The following RPH3AL variants were observed in gnomAD, a reference collection of about 807,000 sequenced individuals.
RPH3AL encodes rab effector Noc2.
RPH3AL carries 38 observed loss-of-function variants against 43.1 expected under a neutral mutation model. The observed-to-expected ratio is 0.88, with a 90% confidence interval of 0.68 to 1.15. RPH3AL has a LOEUF of 1.15. RPH3AL is among the 50% of genes most tolerant of loss of function. The probability of loss-of-function intolerance (pLI) is 0.00; values close to 1 mark genes in which losing one functional copy is unlikely to be tolerated. For synonymous variants in RPH3AL, 189 were observed against 176.3 expected (o/e 1.07, Z -0.57); for missense variants, 462 against 423.2 (o/e 1.09, Z -0.81).
intron 6 of RPH3AL, among the ~76,000 whole-genome samples, chr17:259,810 C>T (rs529087297): frequency 3.3e-5 from 5 of 152,182 alleles, no homozygotes; most frequent in Admixed American, 6.6e-5. Context: ...TTTCAGCTCA[C>T]GGCCAATCTG....
chr17:296,452 G>T (rs2043181747), intron 5 of RPH3AL, among the ~76,000 whole-genome samples: 1 of 151,796 alleles, frequency 6.6e-6, no homozygotes, highest in Admixed American at 6.6e-5. Context: ...GACATGAACG[G>T]GCAGAGGGAA....
At chr17:309,704 G>C (rs142356392) in intron 5 of RPH3AL, among the ~76,000 whole-genome samples, 3,566 of 130,906 alleles carry the variant, frequency 0.027, 79 homozygotes, top group East Asian at 0.079. Flanking sequence ...CCAGGCTCCT[G>C]CCAGCCTCCT....
chr17:224,125 C>T (rs1039701430), intron 7 of RPH3AL, among the ~76,000 whole-genome samples: 1 of 152,246 alleles, frequency 6.6e-6, no homozygotes, highest in Non-Finnish European at 1.5e-5. Flanking sequence ...GGTGTCAGCT[C>T]CTCCAACCTG....
rs138586801 is a variant in RPH3AL, at chr17:333,103, T to C, written c.-37+656A>G. 1 of 1,276,896 alleles carries C rather than the reference T, an allele frequency of 7.8e-7. No individual in the cohort carries two copies. Among genetic ancestry groups the C allele is most frequent in the Non-Finnish European group, 1.0e-6 (1 of 982,804 alleles). 79.1% of individuals were successfully genotyped at this position (1,276,896 alleles called of 1,614,324 possible). On this transcript the variant is annotated intron_variant, in intron 2 of 9. Transcript: ENST00000331302. The surrounding 1 kb of genome is among the most constrained non-coding windows in gnomAD (Gnocchi z 4.5). ...AGTCGAGAGCTCACCACCCCGGGCG[T>C]TCGTCACTGCAGACATCACTGCAGA...
intron 7 of RPH3AL, among the ~76,000 whole-genome samples, chr17:238,134 C>T (rs1439866536): frequency 6.9e-6 from 1 of 145,132 alleles, no homozygotes; most frequent in Non-Finnish European, 1.5e-5. Context: ...AGAGTGAAAC[C>T]CTGAGAAAGA....
At chr17:315,788 T>G (rs1384967186) in intron 5 of RPH3AL, among the ~76,000 whole-genome samples, 7 of 131,166 alleles carry the variant, frequency 5.3e-5, no homozygotes, top group Non-Finnish European at 7.0e-5. Flanking sequence ...CCATCTCTAT[T>G]GACCTGTAGT....
At chr17:313,007 C>A (rs1261735150) in intron 5 of RPH3AL, among the ~76,000 whole-genome samples, 2 of 152,238 alleles carry the variant, frequency 1.3e-5, no homozygotes, top group Non-Finnish European at 2.9e-5. Context: ...TGGGGACAGT[C>A]CTCACTGGCA....
In RPH3AL at chr17:327,494, T is replaced by C. The variant is rs139939145; in HGVS notation, c.50A>G (p.Asn17Ser). The C allele has an allele frequency of 1.5e-5, 25 of 1,613,804 alleles. 1 individual carries two copies. Among genetic ancestry groups the C allele is most frequent in the East Asian group, 1.1e-4 (5 of 44,894 alleles). ...GSGNDQWVCP[N>S]DRQLALRAKL... ...GGCTCGAAGGGCAAGCTGCCGGTCA[T>C]TGGGGCAAACCCACTGATCATTCCC... The change falls in exon 3 of 10, where the codon AAT (asparagine) becomes AGT (serine). Residue 17 changes from asparagine to serine, a missense_variant. Physicochemically the swap from Asn to Ser is conservative, Grantham distance 46. Coordinates refer to ENST00000331302, the MANE Select transcript of RPH3AL (RefSeq NM_006987.4).
At chr17:305,255 G>A (rs963891394) in intron 5 of RPH3AL, among the ~76,000 whole-genome samples, 13 of 152,066 alleles carry the variant, frequency 8.5e-5, no homozygotes, top group South Asian at 2.1e-4. Context: ...TCCAGGCACC[G>A]GCCGAGTTGG....
At position 219,651 on chromosome 17, in the gene RPH3AL, C is replaced by T; in HGVS notation, c.699G>A (p.Arg233=). 1 of 1,609,150 alleles carries T rather than the reference C, an allele frequency of 6.2e-7. No individual in the cohort carries two copies. Among genetic ancestry groups the T allele is most frequent in the Non-Finnish European group, 8.5e-7 (1 of 1,178,040 alleles). Residue 233 remains arginine, a synonymous_variant, in exon 8 of 10, where the codon CGG becomes CGA. Coordinates refer to ENST00000331302, the MANE Select transcript of RPH3AL (RefSeq NM_006987.4). Reference sequence around the variant, plus strand: ...ACTCCTTCCAGGGTTTGTCGCCTTTCCGGTCCCTGACCCCAGTGGATGGGA... The same window carrying T: ...ACTCCTTCCAGGGTTTGTCGCCTTTTCGGTCCCTGACCCCAGTGGATGGGA... ...DRLPSTGVRD[R]KGDKPWKESG...
At chr17:291,048 T>C (rs2043037216) in intron 5 of RPH3AL, among the ~76,000 whole-genome samples, 1 of 152,170 alleles carries the variant, frequency 6.6e-6, no homozygotes, top group Admixed American at 6.5e-5. Flanking sequence ...AAACGTTGCG[T>C]ACAAGGAGGC....
intron 5 of RPH3AL, among the ~76,000 whole-genome samples, chr17:305,549 C>T (rs570798911): frequency 2.2e-4 from 33 of 152,284 alleles, no homozygotes; most frequent in African/African-American, 7.2e-4. Context: ...ACCACACACA[C>T]GGCAGGTGCC....
At position 309,602 on chromosome 17, in the gene RPH3AL, G is replaced by A; in HGVS notation, c.351+9818C>T. 1.6e-5 allele frequency among the ~76,000 whole-genome samples: 2 copies of A among 125,934 alleles called. 1 individual carries two copies. Among genetic ancestry groups the A allele is most frequent in the Non-Finnish European group, 3.5e-5 (2 of 57,318 alleles). 82.6% of individuals were successfully genotyped at this position (125,934 alleles called of 152,430 possible). ...TGCCCCAGGCTCCTGCCAGCCTCCT[G>A]CTGGGGGTCCAGGATATGGCACATC... On this transcript the variant is annotated intron_variant, in intron 5 of 9. Transcript: ENST00000331302.
rs2041780485 is a variant in RPH3AL, at chr17:246,967, TGAGGGCACAGG to T, written c.613+133_613+143del. ...GCTCACTCGGGAGAAGGTGTGGAGC[TGAGGGCACAGG>T]GAGGGACGCATCACCAGAATGAGCC... On this transcript the variant is annotated intron_variant, in intron 7 of 9. Coordinates refer to ENST00000331302, the MANE Select transcript of RPH3AL (RefSeq NM_006987.4). This position sits in a 1 kb window ranked among gnomAD's most constrained non-coding sequence, Gnocchi z 4.8. The T allele has an allele frequency of 1.2e-6, 1 of 869,424 alleles. No homozygotes were observed. Among genetic ancestry groups the T allele is most frequent in the African/African-American group, 1.7e-5 (1 of 60,556 alleles). 53.9% of individuals were successfully genotyped at this position (869,424 alleles called of 1,614,324 possible).
chr17:315,917 G>A (rs2044120236), intron 5 of RPH3AL, among the ~76,000 whole-genome samples: 2 of 139,508 alleles, frequency 1.4e-5, no homozygotes, highest in African/African-American at 2.8e-5. Flanking sequence ...CCACTGATGT[G>A]TAGTCCCTGT....
chr17:263,295 C>G (rs1289141747), intron 6 of RPH3AL, among the ~76,000 whole-genome samples: 2 of 152,080 alleles, frequency 1.3e-5, no homozygotes, highest in East Asian at 3.9e-4. Context: ...AATCAAAGAG[C>G]CGAAAGTAAT....
intron 7 of RPH3AL, among the ~76,000 whole-genome samples, chr17:224,865 C>CAA (rs567356902): frequency 1.4e-5 from 2 of 146,966 alleles, no homozygotes; most frequent in African/African-American, 5.0e-5. Flanking sequence ...ATCGCAAAGA[C>CAA]AAAAAACCAA....
At chr17:230,417 G>A (rs1319562227) in intron 7 of RPH3AL, among the ~76,000 whole-genome samples, 1 of 152,186 alleles carries the variant, frequency 6.6e-6, no homozygotes, top group Non-Finnish European at 1.5e-5. Context: ...GGACCATTCA[G>A]GGAGAGAGGG....
chr17:321,630 AG>A, intron 3 of RPH3AL: 1 of 506,854 alleles, frequency 2.0e-6, no homozygotes, highest in East Asian at 3.5e-5. Flanking sequence ...GAGACGGCCC[AG>A]GTTCCGTGTG....
Sources: allele counts gnomAD v4.1 joint callset (sites outside exome capture counted in the v4.1 genomes callset), GRCh38; gene constraint gnomAD v4.1.1; non-coding constraint Gnocchi (gnomAD v3.1); transcripts MANE v1.5; gene names NCBI Gene and HGNC (gene_info 2026-07-23, HGNC 2026-07-21).